The following CDH13 variants were observed in gnomAD, a reference collection of about 807,000 sequenced individuals.
CDH13 encodes the protein cadherin 13, also known as cadherin-13.
Under a neutral mutation model 63.8 loss-of-function variants are expected in CDH13, and 24 were observed. The ratio of observed to expected loss-of-function variants is 0.38; its 90% CI spans 0.27 to 0.53. The LOEUF (loss-of-function observed/expected upper bound fraction) is 0.53, where lower values mean the gene tolerates loss of function less well. Ranked by LOEUF, CDH13 falls within the 20% of genes least tolerant of loss-of-function variation. The probability of loss-of-function intolerance (pLI) is 0.85; values close to 1 mark genes in which losing one functional copy is unlikely to be tolerated. For missense variants in CDH13, 1,049 were observed against 903.1 expected (o/e 1.16, Z -2.07); for synonymous variants, 503 against 355.3 (o/e 1.42, Z -4.67).
intron 4 of CDH13, among the ~76,000 whole-genome samples, chr16:83,164,228 A>T (rs1419874732): frequency 2.6e-5 from 4 of 152,034 alleles, no homozygotes; most frequent in African/African-American, 9.7e-5. Context: ...AGTAGGCATG[A>T]TTAACTTAAT....
chr16:83,646,494 A>C (rs1567477780), intron 8 of CDH13, among the ~76,000 whole-genome samples: 1 of 151,990 alleles, frequency 6.6e-6, no homozygotes, highest in East Asian at 1.9e-4. Context: ...TGAGGTCAGG[A>C]GTTCAAGACC....
intron 3 of CDH13, among the ~76,000 whole-genome samples, chr16:83,065,699 G>A (rs1292298822): frequency 7.4e-6 from 1 of 135,700 alleles, no homozygotes; most frequent in African/African-American, 3.0e-5. Flanking sequence ...AACGAGATTT[G>A]TCTCAAAAAA....
rs2032403484 is a variant in CDH13 at position 82,716,772 on chromosome 16, GT to G, written c.45+89639del. ...TACAAGTTATGAATATGCCAGGTCT[GT>G]TTTAATGAGCCCAGACTTCACCCAC... On this transcript the variant is annotated intron_variant, in intron 1 of 13. Coordinates refer to ENST00000567109, the MANE Select transcript of CDH13 (RefSeq NM_001257.5). Among the ~76,000 whole-genome samples the G allele has an allele frequency of 2.6e-5, 4 of 151,634 alleles. No homozygotes were observed. The South Asian group carries it at 8.4e-4, about 32-fold the overall frequency.
chr16:82,822,152 C>T (rs529316333), intron 1 of CDH13, among the ~76,000 whole-genome samples: 3 of 152,256 alleles, frequency 2.0e-5, no homozygotes, highest in African/African-American at 7.2e-5. Flanking sequence ...CAAAAGATTA[C>T]CCGGGGACAC....
chr16:82,863,226 G>A (rs2040009262), intron 2 of CDH13, among the ~76,000 whole-genome samples: 1 of 152,160 alleles, frequency 6.6e-6, no homozygotes, highest in African/African-American at 2.4e-5. Context: ...ATAGGATGAA[G>A]TTAGTCAGTT....
intron 6 of CDH13, among the ~76,000 whole-genome samples, chr16:83,381,231 C>T (rs930569775): frequency 3.9e-5 from 6 of 152,024 alleles, no homozygotes. Context: ...ATGTTCCCTC[C>T]TTGCCATCTG....
At chr16:83,118,110 G>A (rs2035395755) in intron 3 of CDH13, among the ~76,000 whole-genome samples, 2 of 152,164 alleles carry the variant, frequency 1.3e-5, no homozygotes, top group Admixed American at 6.5e-5. Flanking sequence ...GCAGGCCTCG[G>A]ATGACCTAGG....
intron 1 of CDH13, among the ~76,000 whole-genome samples, chr16:82,757,949 G>A (rs993958613): frequency 3.3e-5 from 5 of 152,038 alleles, no homozygotes; most frequent in South Asian, 2.1e-4. Context: ...GCACCTGGCC[G>A]CCACAGCTTC....
At chr16:83,560,900 C>CCA (rs1555573401) in intron 7 of CDH13, among the ~76,000 whole-genome samples, 1 of 29,536 alleles carries the variant, frequency 3.4e-5, no homozygotes, top group East Asian at 9.4e-4. Context: ...ATAAGGTTGG[C>CCA]CCCCCCCCCG....
At chr16:83,714,996 T>C (rs1168384272) in intron 10 of CDH13, among the ~76,000 whole-genome samples, 3 of 152,224 alleles carry the variant, frequency 2.0e-5, no homozygotes, top group African/African-American at 7.2e-5. Flanking sequence ...TGTTATTTGC[T>C]GAGCAAGGAC....
chr16:83,226,669 G>A lies in CDH13; in HGVS notation c.636+9172G>A, dbSNP rs572708118. On this transcript the variant is annotated intron_variant, in intron 5 of 13. Coordinates refer to ENST00000567109, the MANE Select transcript of CDH13 (RefSeq NM_001257.5). Reference sequence around the variant, plus strand: ...TTCTTTCCCAAGGTGCGGAAGCATCGCAATACATTGGGACTGCAAGAGCCT... The same window carrying A: ...TTCTTTCCCAAGGTGCGGAAGCATCACAATACATTGGGACTGCAAGAGCCT... Among the ~76,000 whole-genome samples the A allele has an allele frequency of 4.2e-4, 64 of 152,234 alleles. No individual in the cohort carries two copies. In the South Asian group the frequency reaches 8.5e-3, roughly 20 times the overall value.
chr16:83,675,849 T>C (rs1255255269), intron 9 of CDH13, among the ~76,000 whole-genome samples: 1 of 152,200 alleles, frequency 6.6e-6, no homozygotes, highest in Non-Finnish European at 1.5e-5. Flanking sequence ...TAGATAATTG[T>C]GTTGCACAAG....
intron 2 of CDH13, among the ~76,000 whole-genome samples, chr16:83,000,220 CTTATTTTTTTTTTTTTT>C (rs1377012334): frequency 0.027 from 907 of 33,920 alleles, 34 homozygotes; most frequent in Non-Finnish European, 0.04. Flanking sequence ...ACAGGTTTAG[CTTATTTTTTTTTTTTTT>C]TTTTTTTTTT....
intron 7 of CDH13, among the ~76,000 whole-genome samples, chr16:83,594,615 C>A (rs535017607): frequency 3.3e-5 from 5 of 152,164 alleles, no homozygotes; most frequent in Admixed American, 6.5e-5. Flanking sequence ...TCGGTCTAGA[C>A]AAACTGTAAA....
chr16:82,785,892 C>G (rs894605665), intron 1 of CDH13, among the ~76,000 whole-genome samples: 1 of 152,198 alleles, frequency 6.6e-6, no homozygotes, highest in African/African-American at 2.4e-5. Context: ...CTATGGTGAG[C>G]CCACATTTGG....
intron 2 of CDH13, among the ~76,000 whole-genome samples, chr16:83,014,794 A>ATATATATATTTG: frequency 1.2e-5 from 1 of 82,902 alleles, no homozygotes; most frequent in South Asian, 3.6e-4. Flanking sequence ...ATATATTTGT[A>ATATATATATTTG]TATATATATG....
intron 5 of CDH13, among the ~76,000 whole-genome samples, chr16:83,311,420 C>G (rs185281686): frequency 6.6e-6 from 1 of 152,214 alleles, no homozygotes; most frequent in Non-Finnish European, 1.5e-5. Flanking sequence ...TACTTTCTCT[C>G]CAATCCTTTT....
At chr16:82,869,502 C>A (rs1642787727) in intron 2 of CDH13, among the ~76,000 whole-genome samples, 1 of 152,126 alleles carries the variant, frequency 6.6e-6, no homozygotes, top group African/African-American at 2.4e-5. Flanking sequence ...TTATACAGAA[C>A]CCCAAAAGAC....
At chr16:82,695,572 A>G (rs2030184212) in intron 1 of CDH13, among the ~76,000 whole-genome samples, 1 of 152,188 alleles carries the variant, frequency 6.6e-6, no homozygotes, top group Non-Finnish European at 1.5e-5. Context: ...GTTAAGAACC[A>G]TCTCATGGCA....
Sources: allele counts gnomAD v4.1 joint callset (sites outside exome capture counted in the v4.1 genomes callset), GRCh38; gene constraint gnomAD v4.1.1; transcripts MANE v1.5; gene names NCBI Gene and HGNC (gene_info 2026-07-23, HGNC 2026-07-21).